The following MTHFD2L variants were observed in gnomAD, a reference collection of about 807,000 sequenced individuals.
MTHFD2L encodes bifunctional methylenetetrahydrofolate dehydrogenase/cyclohydrolase 2, mitochondrial.
In MTHFD2L, 29 loss-of-function variants were observed where a neutral mutation model predicts 34.9. The ratio of observed to expected loss-of-function variants is 0.83; its 90% CI spans 0.62 to 1.13. The LOEUF (loss-of-function observed/expected upper bound fraction) is 1.13. Among genes scored for constraint, MTHFD2L ranks in the 50% most tolerant of loss-of-function variants. The probability of loss-of-function intolerance (pLI) is 0.00; values close to 1 mark genes in which losing one functional copy is unlikely to be tolerated. For missense variants in MTHFD2L, 481 were observed against 446.5 expected (o/e 1.08, Z -0.70); for synonymous variants, 167 against 155.7 (o/e 1.07, Z -0.54).
chr4:74,276,631 A>G (rs28740836), intron 6 of MTHFD2L, among the ~76,000 whole-genome samples: 1 of 152,090 alleles, frequency 6.6e-6, no homozygotes, highest in Non-Finnish European at 1.5e-5. Context: ...ACAAGAATTT[A>G]TATTGCATTT....
intron 2 of MTHFD2L, 47 bp from the exon 3 acceptor site, chr4:74,175,234 C>A: frequency 6.3e-7 from 1 of 1,593,498 alleles, no homozygotes; most frequent in South Asian, 1.1e-5. Flanking sequence ...TGATGAAAAA[C>A]CATATTCAGT....
intron 3 of MTHFD2L, chr4:74,194,612 G>A (rs1733152113): frequency 6.6e-6 from 1 of 152,142 alleles, no homozygotes; most frequent in Non-Finnish European, 1.5e-5. Flanking sequence ...TGTTAATCAA[G>A]TTTAGCCTAA....
chr4:74,119,375 A>G (rs1258962006), upstream of MTHFD2L, among the ~76,000 whole-genome samples: 6 of 152,220 alleles, frequency 3.9e-5, no homozygotes, highest in Non-Finnish European at 8.8e-5. Flanking sequence ...AGCTAACCCT[A>G]GCCAAAATGA....
upstream of MTHFD2L, among the ~76,000 whole-genome samples, chr4:74,122,902 GTTC>G (rs888475429): frequency 5.9e-5 from 9 of 152,050 alleles, no homozygotes; most frequent in Admixed American, 2.0e-4. Context: ...GAATTTTCTT[GTTC>G]TTAGGAAATA....
In MTHFD2L at chr4:74,199,829, G is replaced by A; in HGVS notation, c.487G>A (p.Ala163Thr). The A allele has an allele frequency of 6.2e-7, 1 of 1,612,962 alleles. No homozygotes were observed. The highest frequency in any genetic ancestry group is 8.5e-7 in the Non-Finnish European group (1 of 1,179,346). Reference protein sequence around the residue: ...VDERTICNGIAPEKDVDGFHI... With the variant: ...VDERTICNGITPEKDVDGFHI... ...TGAGCGAACAATATGCAATGGAATT[G>A]CCCCAGAAAAAGATGTAGATGGATT... Residue 163 changes from alanine to threonine, a missense_variant, in exon 4 of 8, where the codon GCC becomes ACC. Physicochemically the swap from Ala to Thr is moderately conservative, Grantham distance 58 (BLOSUM62 0). Coordinates refer to ENST00000325278, the MANE Select transcript of MTHFD2L (RefSeq NM_001144978.3).
At chr4:74,222,444 AG>A (rs1461593621) in intron 5 of MTHFD2L, among the ~76,000 whole-genome samples, 1 of 152,140 alleles carries the variant, frequency 6.6e-6, no homozygotes, top group Non-Finnish European at 1.5e-5. Flanking sequence ...TTCATTTAGA[AG>A]GAACCCACTC....
At chr4:74,297,625 G>T (rs1279657572) in intron 7 of MTHFD2L, among the ~76,000 whole-genome samples, 1 of 152,016 alleles carries the variant, frequency 6.6e-6, no homozygotes, top group African/African-American at 2.4e-5. Context: ...ATCATCTTCA[G>T]CCAAGTGCAA....
intron 1 of MTHFD2L, among the ~76,000 whole-genome samples, chr4:74,166,845 C>G (rs1455500162): frequency 6.6e-6 from 1 of 152,206 alleles, no homozygotes; most frequent in Non-Finnish European, 1.5e-5. Flanking sequence ...AGGTCCAAGC[C>G]TATCCCCAGG....
Position 74,174,629 on chromosome 4 carries a change from G to A in MTHFD2L, c.267G>A (p.Val89=). 1 of 1,603,134 alleles carries A rather than the reference G, an allele frequency of 6.2e-7. No individual in the cohort carries two copies. ...GACCTCACCTCAGTATAATTTTAGT[G>A]GGAGATAACCCAGCAAGCCATACAT... ...NRRPHLSIIL[V]GDNPASHTYV... Residue 89 remains valine (V), a synonymous_variant, in exon 2 of 8, where the codon GTG becomes GTA. Transcript: ENST00000325278.
upstream of MTHFD2L, among the ~76,000 whole-genome samples, chr4:74,154,119 T>A (rs528606757): frequency 6.6e-6 from 1 of 152,174 alleles, no homozygotes; most frequent in Non-Finnish European, 1.5e-5. Flanking sequence ...GTCCCTCTGT[T>A]GGGATTTAAT....
intron 6 of MTHFD2L, among the ~76,000 whole-genome samples, chr4:74,253,272 C>T (rs1278113490): frequency 6.6e-6 from 1 of 152,086 alleles, no homozygotes; most frequent in Non-Finnish European, 1.5e-5. Flanking sequence ...TGAGTGCTGA[C>T]TTGTAAAATA....
At chr4:74,207,119 C>T (rs187919479) in intron 5 of MTHFD2L, among the ~76,000 whole-genome samples, 13 of 152,088 alleles carry the variant, frequency 8.5e-5, no homozygotes, top group African/African-American at 2.7e-4. Flanking sequence ...AGGCTGGTCT[C>T]GAACTCCTGA....
At chr4:74,216,462 G>T (rs1737229638) in intron 5 of MTHFD2L, among the ~76,000 whole-genome samples, 1 of 151,826 alleles carries the variant, frequency 6.6e-6, no homozygotes, top group South Asian at 2.1e-4. Flanking sequence ...TGTTGAGAAT[G>T]ATTTCTCAAG....
At chr4:74,211,752 A>C (rs1245037572) in intron 5 of MTHFD2L, among the ~76,000 whole-genome samples, 1 of 152,132 alleles carries the variant, frequency 6.6e-6, no homozygotes, top group Non-Finnish European at 1.5e-5. Flanking sequence ...TAGTTTCAGA[A>C]GGAATGATAC....
At position 74,212,908 on chromosome 4, in the gene MTHFD2L, T is replaced by C. The variant is rs1307100893; in HGVS notation, c.712+11538T>C. Among the ~76,000 whole-genome samples the C allele has an allele frequency of 2.6e-5, 4 of 152,198 alleles. No homozygotes were observed. The East Asian group carries it at 7.7e-4, about 29-fold the overall frequency. ...TGGGTGCATATATATTTAGGATAGT[T>C]AGCTCTTCCTATTTCATTGATCCCT... On this transcript the variant is annotated intron_variant, in intron 5 of 7. Transcript: ENST00000325278.
At chr4:74,247,043 G>T (rs1437135037) in intron 6 of MTHFD2L, among the ~76,000 whole-genome samples, 3 of 148,046 alleles carry the variant, frequency 2.0e-5, no homozygotes, top group African/African-American at 7.5e-5. Context: ...GATGGGGATG[G>T]CATTGAATCT....
chr4:74,247,827 A>G (rs1193210283), intron 6 of MTHFD2L, among the ~76,000 whole-genome samples: 2 of 152,154 alleles, frequency 1.3e-5, no homozygotes, highest in South Asian at 2.1e-4. Flanking sequence ...CCAGGGATGA[A>G]GCCCACTTGA....
At chr4:74,157,747 T>C (rs774531103), upstream of MTHFD2L, 273 of 472,336 alleles carry the variant, frequency 5.8e-4, 1 homozygote, top group Non-Finnish European at 1.0e-3. Flanking sequence ...TCACGGAGAC[T>C]GTTGGGCAGG....
At chr4:74,220,570 A>C (rs1451069957) in intron 5 of MTHFD2L, among the ~76,000 whole-genome samples, 1 of 151,850 alleles carries the variant, frequency 6.6e-6, no homozygotes, top group South Asian at 2.1e-4. Context: ...GGCATAGTTT[A>C]TCTTTCTAGT....
Sources: allele counts gnomAD v4.1 joint callset (sites outside exome capture counted in the v4.1 genomes callset), GRCh38; gene constraint gnomAD v4.1.1; transcripts MANE v1.5; gene names NCBI Gene and HGNC (gene_info 2026-07-23, HGNC 2026-07-21).